Variants in SLC49A4 observed in about 807,000 individuals in gnomAD.
The protein encoded by SLC49A4 is solute carrier family 49 member 4.
SLC49A4 carries 36 observed loss-of-function variants against 50.6 expected under a neutral mutation model. The observed-to-expected ratio is 0.71, with a 90% CI of 0.55 to 0.94. SLC49A4 has a LOEUF of 0.94. Ranked by LOEUF, SLC49A4 falls within the 40% of genes least tolerant of loss-of-function variation. The pLI is 0.00. For synonymous variants in SLC49A4, 248 were observed against 241.2 expected (o/e 1.03, Z -0.26); for missense variants, 503 against 605.7 (o/e 0.83, Z 1.78).
chr3:122,812,811 T>G (rs1936316763), intron 2 of SLC49A4, among the ~76,000 whole-genome samples: 1 of 152,216 alleles, frequency 6.6e-6, no homozygotes, highest in South Asian at 2.1e-4. Context: ...TAAATCTGTT[T>G]GCCTTAATTT....
At chr3:122,809,808 T>C (rs1406938755) in intron 2 of SLC49A4, among the ~76,000 whole-genome samples, 1 of 152,056 alleles carries the variant, frequency 6.6e-6, no homozygotes, top group Non-Finnish European at 1.5e-5. Flanking sequence ...ATAAAAAGAG[T>C]GTATAAATTG....
At chr3:122,871,220 A>G (rs1219282537) in intron 7 of SLC49A4, among the ~76,000 whole-genome samples, 1 of 152,204 alleles carries the variant, frequency 6.6e-6, no homozygotes, top group African/African-American at 2.4e-5. Context: ...AACTATTTGT[A>G]TTATCAGAAT....
intron 2 of SLC49A4, among the ~76,000 whole-genome samples, chr3:122,808,950 T>C (rs1576291714): frequency 6.6e-6 from 1 of 151,932 alleles, no homozygotes; most frequent in East Asian, 1.9e-4. Context: ...TGTGGGAAGT[T>C]GGGGGAATGG....
chr3:122,805,088 A>G (rs1410713114), intron 1 of SLC49A4, among the ~76,000 whole-genome samples: 1 of 152,170 alleles, frequency 6.6e-6, no homozygotes, highest in Admixed American at 6.5e-5. Flanking sequence ...GGTACCCAGT[A>G]TATCCTTGTA....
chr3:122,850,034 T>C (rs941224306), intron 5 of SLC49A4, among the ~76,000 whole-genome samples: 6 of 152,210 alleles, frequency 3.9e-5, no homozygotes, highest in Admixed American at 2.0e-4. Flanking sequence ...TAATTTTATA[T>C]AAACATGCTC....
rs373386693 is a variant in SLC49A4 at position 122,802,155 on chromosome 3, A to C, written c.344-4702A>C. ...CGTGAGACCCTATCTCTAAAAAATAATAATAAATAAATATTAGAATAAAAC... is the reference window on the plus strand; with the variant it reads ...CGTGAGACCCTATCTCTAAAAAATACTAATAAATAAATATTAGAATAAAAC... On this transcript the variant is annotated intron_variant, in intron 1 of 8. Coordinates refer to ENST00000261038, the MANE Select transcript of SLC49A4 (RefSeq NM_032839.3). Among the ~76,000 whole-genome samples, 12 of 152,240 alleles carry C rather than the reference A, an allele frequency of 7.9e-5. 2 individuals carry two copies. Among genetic ancestry groups the C allele is most frequent in the Admixed American group, 6.5e-5 (1 of 15,286 alleles).
intron 2 of SLC49A4, among the ~76,000 whole-genome samples, chr3:122,820,648 A>T (rs948593430): frequency 2.0e-5 from 3 of 152,228 alleles, no homozygotes; most frequent in Non-Finnish European, 2.9e-5. Flanking sequence ...CAATTGAATG[A>T]TACAGAAAGA....
At chr3:122,855,698 C>A (rs1228771010) in intron 5 of SLC49A4, among the ~76,000 whole-genome samples, 1 of 152,204 alleles carries the variant, frequency 6.6e-6, no homozygotes, top group East Asian at 1.9e-4. Context: ...TTATTGAGCA[C>A]TTCCTATGTC....
chr3:122,811,163 G>C (rs1257123454), intron 2 of SLC49A4, among the ~76,000 whole-genome samples: 1 of 152,090 alleles, frequency 6.6e-6, no homozygotes, highest in Non-Finnish European at 1.5e-5. Flanking sequence ...ATTTGCAACC[G>C]TAAGACAAAT....
intron 2 of SLC49A4, 35 bp from the exon 3 acceptor site, chr3:122,826,765 A>T (rs1356206908): frequency 2.5e-6 from 4 of 1,600,480 alleles, no homozygotes; most frequent in Non-Finnish European, 3.4e-6. Context: ...TGCCTGTTTC[A>T]AATACCTCAC....
At chr3:122,827,672 A>G (rs1375640261) in intron 3 of SLC49A4, among the ~76,000 whole-genome samples, 7 of 152,190 alleles carry the variant, frequency 4.6e-5, no homozygotes, top group Admixed American at 1.3e-4. Flanking sequence ...CCCTCTCTCT[A>G]TATCCCTGTT....
intron 3 of SLC49A4, among the ~76,000 whole-genome samples, chr3:122,827,294 A>G (rs945098630): frequency 5.9e-5 from 9 of 152,218 alleles, no homozygotes; most frequent in Non-Finnish European, 1.2e-4. Context: ...ATGGAGGGGT[A>G]TTTCTTAATT....
intron 3 of SLC49A4, among the ~76,000 whole-genome samples, chr3:122,831,741 A>G (rs1560211878): frequency 6.6e-6 from 1 of 152,158 alleles, no homozygotes; most frequent in African/African-American, 2.4e-5. Context: ...AAATGTGTGC[A>G]TTGTATGTCA....
intron 2 of SLC49A4, among the ~76,000 whole-genome samples, chr3:122,810,576 G>A (rs937697134): frequency 1.3e-5 from 2 of 152,126 alleles, no homozygotes; most frequent in African/African-American, 4.8e-5. Flanking sequence ...CACATGCCAT[G>A]TATATTTTTA....
chr3:122,868,115 CAAA>C (rs748874580), intron 7 of SLC49A4, among the ~76,000 whole-genome samples: 6 of 99,518 alleles, frequency 6.0e-5, no homozygotes, highest in Admixed American at 2.1e-4. Context: ...ACTCCGTCTC[CAAA>C]AAAAAAAAAA....
intron 7 of SLC49A4, among the ~76,000 whole-genome samples, chr3:122,860,565 G>A (rs1194549946): frequency 2.6e-5 from 4 of 152,052 alleles, no homozygotes; most frequent in Admixed American, 2.6e-4. Context: ...AAAAACTATG[G>A]TATACTTCAG....
At chr3:122,806,996 T>G (rs376428430) in intron 2 of SLC49A4, 46 bp downstream of exon 2, 1 of 1,202,322 alleles carries the variant, frequency 8.3e-7, no homozygotes, top group Non-Finnish European at 1.2e-6. Context: ...CATTTTATTA[T>G]GTGTATAAAT....
At chr3:122,859,975 A>T (rs1937037571) in intron 6 of SLC49A4, 100 bp from the exon 7 acceptor site, 1 of 1,050,682 alleles carries the variant, frequency 9.5e-7, no homozygotes, top group East Asian at 2.8e-5. Flanking sequence ...TTAAAAGAAT[A>T]TATGGAAAAT....
At position 122,881,118 on chromosome 3, in the gene SLC49A4, A is replaced by C. The variant is rs1937334681; in HGVS notation, c.*1740A>C. 1 of 152,172 alleles carries C rather than the reference A, an allele frequency of 6.6e-6. No individual in the cohort carries two copies. Among genetic ancestry groups the C allele is most frequent in the South Asian group, 2.1e-4 (1 of 4,832 alleles). 9.4% of individuals were successfully genotyped at this position (152,172 alleles called of 1,614,324 possible). On this transcript the variant is annotated 3_prime_UTR_variant, in exon 9 of 9. Coordinates refer to ENST00000261038, the MANE Select transcript of SLC49A4 (RefSeq NM_032839.3). Reference sequence around the variant, plus strand: ...CCAGTTAATTCTGTTATTCTTCTGAAATAAAAATGAAATAAAAGGAAGGCA... The same window carrying C: ...CCAGTTAATTCTGTTATTCTTCTGACATAAAAATGAAATAAAAGGAAGGCA...
Sources: allele counts gnomAD v4.1 joint callset (sites outside exome capture counted in the v4.1 genomes callset), GRCh38; gene constraint gnomAD v4.1.1; transcripts MANE v1.5; gene names NCBI Gene and HGNC (gene_info 2026-07-23, HGNC 2026-07-21).